AGAP1: variants seen among roughly 807,000 people sequenced by gnomAD.
AGAP1 encodes the protein ArfGAP with GTPase domain, ankyrin repeat and PH domain 1.
AGAP1 carries 29 observed loss-of-function variants against 105.3 expected under a neutral mutation model. The observed-to-expected ratio is 0.28, with a 90% CI of 0.21 to 0.38. The LOEUF is 0.38. AGAP1 is among the 10% of genes least tolerant of loss of function. The pLI is 1.00. For synonymous variants in AGAP1, 509 were observed against 485.9 expected (o/e 1.05, Z -0.63); for missense variants, 998 against 1,165.1 (o/e 0.86, Z 2.09).
At chr2:235,946,021 T>C (rs1473134852) in intron 12 of AGAP1, among the ~76,000 whole-genome samples, 7 of 151,868 alleles carry the variant, frequency 4.6e-5, no homozygotes, top group South Asian at 2.1e-4. Context: ...ACCGCCAGCA[T>C]TGGGGATGAC....
chr2:235,810,677 C>T (rs1410041846), intron 9 of AGAP1, among the ~76,000 whole-genome samples: 1 of 152,150 alleles, frequency 6.6e-6, no homozygotes, highest in Non-Finnish European at 1.5e-5. Context: ...TGGTCAATGA[C>T]GTTGTCTCTT....
chr2:235,580,773 C>T (rs1288592260), intron 1 of AGAP1, among the ~76,000 whole-genome samples: 4 of 152,054 alleles, frequency 2.6e-5, no homozygotes, highest in African/African-American at 9.7e-5. Context: ...TGAAATCACA[C>T]AGCTTGAGTT....
intron 1 of AGAP1, among the ~76,000 whole-genome samples, chr2:235,554,044 A>G (rs1052510767): frequency 6.6e-6 from 1 of 152,192 alleles, no homozygotes; most frequent in Non-Finnish European, 1.5e-5. Context: ...TGTAACTAAT[A>G]CCACCCAGTC....
In AGAP1 at chr2:235,600,346, T is replaced by G. The variant is rs1391608527; in HGVS notation, c.163+105497T>G. On this transcript the variant is annotated intron_variant, in intron 1 of 17. Transcript: ENST00000304032. This position sits in a 1 kb window ranked among gnomAD's most constrained non-coding sequence, Gnocchi z 4.8. ...CCTGCATGGACTGTGCTGGAAACACTCAGTAGCAACTCAGGCTCAGGGAGC... is the reference window on the plus strand; with the variant it reads ...CCTGCATGGACTGTGCTGGAAACACGCAGTAGCAACTCAGGCTCAGGGAGC... Among the ~76,000 whole-genome samples the G allele has an allele frequency of 6.6e-6, 1 of 151,998 alleles. No individual in the cohort carries two copies. The highest frequency in any genetic ancestry group is 2.4e-5 in the African/African-American group (1 of 41,384).
At chr2:235,776,835 A>G (rs1955906650) in intron 6 of AGAP1, 1 of 464,228 alleles carries the variant, frequency 2.2e-6, no homozygotes, top group Admixed American at 2.4e-5. Flanking sequence ...CATCGGCACC[A>G]ACTCGGAGCC....
chr2:235,784,430 T>TG (rs1956480954), intron 6 of AGAP1, among the ~76,000 whole-genome samples: 1 of 152,184 alleles, frequency 6.6e-6, no homozygotes, highest in Admixed American at 6.5e-5. Context: ...TATTCTCTGC[T>TG]GAACTCTAAT....
At chr2:235,508,588 G>A (rs968355064) in intron 1 of AGAP1, among the ~76,000 whole-genome samples, 1 of 152,186 alleles carries the variant, frequency 6.6e-6, no homozygotes, top group Non-Finnish European at 1.5e-5. Flanking sequence ...GAGGAGGCAC[G>A]GAGGCAAGCT....
intron 12 of AGAP1, among the ~76,000 whole-genome samples, chr2:235,942,235 C>G (rs1233703911): frequency 6.6e-6 from 1 of 152,124 alleles, no homozygotes; most frequent in Non-Finnish European, 1.5e-5. Context: ...GCAGACAACC[C>G]GCGATTCCCC....
intron 9 of AGAP1, among the ~76,000 whole-genome samples, chr2:235,825,388 G>A (rs576963853): frequency 8.5e-5 from 13 of 152,318 alleles, no homozygotes; most frequent in Admixed American, 2.0e-4. Flanking sequence ...CTTGTTGGCC[G>A]TGCTTATGGC....
At position 236,038,315 on chromosome 2, in the gene AGAP1, G is replaced by T. The variant is rs1167747707; in HGVS notation, c.1800+1600G>T. Reference sequence around the variant, plus strand: ...GCAGGCTGTGTTACCGAACAGAGAGGCACAGGTTCCTGCCTTCATGGAGAA... The same window carrying T: ...GCAGGCTGTGTTACCGAACAGAGAGTCACAGGTTCCTGCCTTCATGGAGAA... On this transcript the variant is annotated intron_variant, in intron 14 of 17. Transcript: ENST00000304032. This position sits in a 1 kb window ranked among gnomAD's most constrained non-coding sequence, Gnocchi z 4.5. Among the ~76,000 whole-genome samples the T allele has an allele frequency of 2.6e-5, 4 of 152,172 alleles. No individual in the cohort carries two copies. The highest frequency in any genetic ancestry group is 9.7e-5 in the African/African-American group (4 of 41,430).
intron 1 of AGAP1, among the ~76,000 whole-genome samples, chr2:235,592,079 C>T (rs1320449878): frequency 6.6e-6 from 1 of 152,246 alleles, no homozygotes; most frequent in East Asian, 1.9e-4. Context: ...CAGACTCACA[C>T]AGTCATACAT....
intron 1 of AGAP1, among the ~76,000 whole-genome samples, chr2:235,514,750 G>A: frequency 6.6e-6 from 1 of 152,244 alleles, no homozygotes; most frequent in East Asian, 1.9e-4. Flanking sequence ...GGCTCAAGGT[G>A]CTCAGGAACC....
intron 12 of AGAP1, among the ~76,000 whole-genome samples, chr2:235,949,795 G>A (rs947669213): frequency 5.9e-5 from 9 of 152,178 alleles, no homozygotes; most frequent in African/African-American, 1.2e-4. Context: ...CCCCGAGCAC[G>A]TGGACCCTGT....
At chr2:235,745,129 GTA>G (rs1343911645) in intron 5 of AGAP1, among the ~76,000 whole-genome samples, 1 of 151,886 alleles carries the variant, frequency 6.6e-6, no homozygotes, top group African/African-American at 2.4e-5. Context: ...ATGTGTGTGT[GTA>G]TATGTTTTGT....
At chr2:235,764,468 C>T (rs753120432) in intron 6 of AGAP1, among the ~76,000 whole-genome samples, 1 of 152,166 alleles carries the variant, frequency 6.6e-6, no homozygotes, top group Non-Finnish European at 1.5e-5. Flanking sequence ...AAAGCACATC[C>T]CCCCCACTTT....
chr2:235,624,902 C>T (rs181048551), intron 1 of AGAP1, among the ~76,000 whole-genome samples: 87 of 152,186 alleles, frequency 5.7e-4, no homozygotes, highest in South Asian at 2.1e-4. Flanking sequence ...CCCCACTCCC[C>T]GACCCCTCTA....
At chr2:235,749,658 G>A (rs750697295) in intron 5 of AGAP1, among the ~76,000 whole-genome samples, 2 of 151,912 alleles carry the variant, frequency 1.3e-5, no homozygotes, top group Non-Finnish European at 2.9e-5. Context: ...TGCCTACTGC[G>A]CCCCACCTGC....
At chr2:235,514,184 A>G (rs1942280880) in intron 1 of AGAP1, among the ~76,000 whole-genome samples, 2 of 150,492 alleles carry the variant, frequency 1.3e-5, no homozygotes, top group East Asian at 2.0e-4. Context: ...ACACACACAC[A>G]TACCTCCTCT....
In AGAP1 at chr2:235,882,021, C is replaced by T. The variant is rs532434273; in HGVS notation, c.1051-1324C>T. 2.2e-4 allele frequency among the ~76,000 whole-genome samples: 34 copies of T among 152,068 alleles called. No individual in the cohort carries two copies. The highest frequency in any genetic ancestry group is 8.2e-4 in the African/African-American group (34 of 41,480). On this transcript the variant is annotated intron_variant, in intron 9 of 17. Coordinates refer to ENST00000304032, the MANE Select transcript of AGAP1 (RefSeq NM_001037131.3). The surrounding 1 kb of genome is among the most constrained non-coding windows in gnomAD (Gnocchi z 4.6). ...ATATAAGGTGAGAATACAGTTAATGCAGTTTGGGTTTTTCTGGGGTTTTTT... is the reference window on the plus strand; with the variant it reads ...ATATAAGGTGAGAATACAGTTAATGTAGTTTGGGTTTTTCTGGGGTTTTTT...
Sources: gnomAD v4.1 joint callset for allele counts (sites outside exome capture counted in the v4.1 genomes callset) on GRCh38, gnomAD v4.1.1 for gene constraint, Gnocchi (gnomAD v3.1) non-coding constraint, MANE v1.5 for transcripts, NCBI Gene and HGNC (gene_info 2026-07-23, HGNC 2026-07-21) for gene names.